Variants in ATRNL1 observed in about 807,000 individuals in gnomAD.
ATRNL1 encodes attractin like 1, also known as attractin-like protein 1.
In ATRNL1, 95 loss-of-function variants were observed where a neutral mutation model predicts 182.7. That is an observed-to-expected ratio of 0.52 (90% CI 0.44 to 0.62). The LOEUF (loss-of-function observed/expected upper bound fraction) is 0.62, where lower values mean the gene tolerates loss of function less well. Among genes scored for constraint, ATRNL1 ranks in the 20% least tolerant of loss-of-function variants. The pLI is 0.00. For missense variants in ATRNL1, 1,471 were observed against 1,679.5 expected (o/e 0.88, Z 2.17); for synonymous variants, 576 against 568.3 (o/e 1.01, Z -0.19).
chr10:115,338,635 T>A (rs567851013), intron 19 of ATRNL1, among the ~76,000 whole-genome samples: 1 of 152,368 alleles, frequency 6.6e-6, no homozygotes, highest in East Asian at 1.9e-4. Flanking sequence ...TAGTCCTTTG[T>A]TAGATGGGTA....
intron 28 of ATRNL1, among the ~76,000 whole-genome samples, chr10:115,902,032 T>C (rs1555113644): frequency 1.3e-5 from 2 of 152,172 alleles, no homozygotes; most frequent in African/African-American, 4.8e-5. Context: ...GCTGAGATTG[T>C]TTTGGAGATC....
At chr10:115,634,757 T>C (rs1458699934) in intron 26 of ATRNL1, among the ~76,000 whole-genome samples, 1 of 152,158 alleles carries the variant, frequency 6.6e-6, no homozygotes, top group Non-Finnish European at 1.5e-5. Flanking sequence ...AGATGCATTT[T>C]ATCACTTCTA....
At chr10:115,335,599 A>G (rs1855445014) in intron 19 of ATRNL1, among the ~76,000 whole-genome samples, 1 of 152,232 alleles carries the variant, frequency 6.6e-6, no homozygotes, top group Admixed American at 6.5e-5. Context: ...ATACAGTTGT[A>G]CCTTGGTATC....
At chr10:115,363,612 G>A (rs1219288961) in intron 19 of ATRNL1, among the ~76,000 whole-genome samples, 2 of 150,752 alleles carry the variant, frequency 1.3e-5, no homozygotes, top group African/African-American at 2.4e-5. Context: ...GTCCTGAATG[G>A]TAATGCCTAG....
intron 24 of ATRNL1, among the ~76,000 whole-genome samples, chr10:115,472,128 C>T (rs1554972258): frequency 2.0e-5 from 3 of 150,684 alleles, no homozygotes. Flanking sequence ...CTATTTATTC[C>T]TGGCACTGAG....
At chr10:115,478,546 G>T (rs1554973568) in intron 24 of ATRNL1, among the ~76,000 whole-genome samples, 1 of 151,630 alleles carries the variant, frequency 6.6e-6, no homozygotes, top group Non-Finnish European at 1.5e-5. Flanking sequence ...TCTTCAGTCT[G>T]TTATAATGGA....
chr10:115,897,991 T>A (rs1952251570), intron 28 of ATRNL1, among the ~76,000 whole-genome samples: 1 of 151,936 alleles, frequency 6.6e-6, no homozygotes, highest in African/African-American at 2.4e-5. Flanking sequence ...AATGGTGTGG[T>A]CTCAGCTCAC....
chr10:115,269,284 T>G (rs1851738421), intron 13 of ATRNL1, among the ~76,000 whole-genome samples: 1 of 152,120 alleles, frequency 6.6e-6, no homozygotes, highest in African/African-American at 2.4e-5. Flanking sequence ...ATCAACAAAT[T>G]GAAGGGAAAA....
intron 24 of ATRNL1, among the ~76,000 whole-genome samples, chr10:115,514,142 G>A (rs1284940115): frequency 6.6e-6 from 1 of 151,848 alleles, no homozygotes; most frequent in Non-Finnish European, 1.5e-5. Flanking sequence ...TTTACTTAAT[G>A]TTCAAGTATC....
rs987221245 is a variant in ATRNL1 at position 115,228,430 on chromosome 10, T to G, written c.1532+12550T>G. ...ATGATTTTGAATATTGGGGTCATTG[T>G]GATCTTCATTTTATAGCCTTGTTAA... On this transcript the variant is annotated intron_variant, in intron 9 of 28. Coordinates refer to ENST00000355044, the MANE Select transcript of ATRNL1 (RefSeq NM_207303.4). Among the ~76,000 whole-genome samples, 6 of 152,358 alleles carry G rather than the reference T, an allele frequency of 3.9e-5. No individual in the cohort carries two copies. The East Asian group carries it at 1.2e-3, about 29-fold the overall frequency.
intron 27 of ATRNL1, among the ~76,000 whole-genome samples, chr10:115,768,303 A>G (rs1948906294): frequency 2.0e-5 from 3 of 152,096 alleles, no homozygotes; most frequent in Non-Finnish European, 2.9e-5. Context: ...TATTAATACT[A>G]TATAGTCTCT....
rs576526871 is a variant in ATRNL1, at chr10:115,946,901, A to G, written c.*2122A>G. 2 of 152,366 alleles carry G rather than the reference A, an allele frequency of 1.3e-5. No homozygotes were observed. The highest frequency in any genetic ancestry group is 2.9e-5 in the Non-Finnish European group (2 of 68,026). 9.4% of individuals were successfully genotyped at this position (152,366 alleles called of 1,614,324 possible). ...ACATACAGATTTAGATGTAAAATCT[A>G]TATAAGCTATATTTTTAGGGAGGCT... On this transcript the variant is annotated 3_prime_UTR_variant, in exon 29 of 29. Transcript: ENST00000355044.
chr10:115,430,288 T>G (rs1170155944), intron 21 of ATRNL1, among the ~76,000 whole-genome samples: 15 of 152,224 alleles, frequency 9.9e-5, no homozygotes, highest in Non-Finnish European at 1.9e-4. Flanking sequence ...AGCATTAGCT[T>G]TTGGTTTTAT....
chr10:115,151,940 A>G (rs1846253167), intron 5 of ATRNL1, among the ~76,000 whole-genome samples: 1 of 152,202 alleles, frequency 6.6e-6, no homozygotes, highest in Non-Finnish European at 1.5e-5. Flanking sequence ...ATGGCTAGCC[A>G]GTTTTCCCAG....
At chr10:115,372,159 T>C (rs928578651) in intron 19 of ATRNL1, among the ~76,000 whole-genome samples, 3 of 152,226 alleles carry the variant, frequency 2.0e-5, no homozygotes, top group Non-Finnish European at 4.4e-5. Flanking sequence ...TCTTTATCAG[T>C]AGCGTGGAAA....
At chr10:115,583,436 T>G (rs533804827) in intron 26 of ATRNL1, among the ~76,000 whole-genome samples, 1 of 108,300 alleles carries the variant, frequency 9.2e-6, no homozygotes, top group South Asian at 4.3e-4. Context: ...TGAGCAGTGG[T>G]TTGTAGTTCT....
At chr10:115,147,006 G>A (rs1441543558) in intron 5 of ATRNL1, among the ~76,000 whole-genome samples, 1 of 152,038 alleles carries the variant, frequency 6.6e-6, no homozygotes, top group Non-Finnish European at 1.5e-5. Context: ...GGGATTACTG[G>A]ATCATATGAT....
intron 28 of ATRNL1, among the ~76,000 whole-genome samples, chr10:115,849,439 A>G (rs1290384296): frequency 1.3e-5 from 2 of 152,146 alleles, no homozygotes; most frequent in African/African-American, 4.8e-5. Flanking sequence ...GTTTTTCTCG[A>G]TCCTTCACGA....
intron 19 of ATRNL1, among the ~76,000 whole-genome samples, chr10:115,363,273 G>C (rs1856845111): frequency 6.6e-6 from 1 of 152,196 alleles, no homozygotes; most frequent in African/African-American, 2.4e-5. Flanking sequence ...GGTCAGTGAT[G>C]ATGAGCATTT....
Sources: gnomAD v4.1 joint callset for allele counts (sites outside exome capture counted in the v4.1 genomes callset) on GRCh38, gnomAD v4.1.1 for gene constraint, MANE v1.5 for transcripts, NCBI Gene and HGNC (gene_info 2026-07-23, HGNC 2026-07-21) for gene names.